Variants in RARB observed in about 807,000 individuals in gnomAD.
The protein encoded by RARB is HBV-activated protein.
RARB carries 17 observed loss-of-function variants against 51.9 expected under a neutral mutation model. The ratio of observed to expected loss-of-function variants is 0.33; its 90% CI spans 0.22 to 0.49. The LOEUF is 0.49. Among genes scored for constraint, RARB ranks in the 20% least tolerant of loss-of-function variants. The probability of loss-of-function intolerance (pLI) is 0.99; values close to 1 mark genes in which losing one functional copy is unlikely to be tolerated. For synonymous variants in RARB, 215 were observed against 195.4 expected (o/e 1.10, Z -0.84); for missense variants, 369 against 550.8 (o/e 0.67, Z 3.30).
At chr3:25,529,707 A>G (rs1245236648) in intron 3 of RARB, among the ~76,000 whole-genome samples, 2 of 152,158 alleles carry the variant, frequency 1.3e-5, no homozygotes, top group Non-Finnish European at 2.9e-5. Flanking sequence ...CCATGACTGT[A>G]TACATTTGTT....
At chr3:25,388,207 C>T (rs116318807) in intron 5 of RARB, among the ~76,000 whole-genome samples, 2,066 of 152,286 alleles carry the variant, frequency 0.014, 55 homozygotes, top group African/African-American at 0.047. Context: ...TTATTACATA[C>T]AGCATTGCAT....
At chr3:24,871,251 TTTTA>T (rs1268791187) in intron 2 of RARB, among the ~76,000 whole-genome samples, 2 of 152,108 alleles carry the variant, frequency 1.3e-5, no homozygotes, top group Non-Finnish European at 2.9e-5. Flanking sequence ...TTCAGAGAAT[TTTTA>T]TTTTAGTTGT....
chr3:25,213,728 G>C (rs1283278099), intron 5 of RARB, among the ~76,000 whole-genome samples: 1 of 152,188 alleles, frequency 6.6e-6, no homozygotes, highest in Non-Finnish European at 1.5e-5. Context: ...ATGAGAGCTA[G>C]AATAATGTTT....
intron 2 of RARB, among the ~76,000 whole-genome samples, chr3:24,894,086 G>A (rs888509202): frequency 2.0e-5 from 3 of 152,244 alleles, no homozygotes; most frequent in Middle Eastern, 6.8e-3. Flanking sequence ...TAGTCTTTGA[G>A]AATCTTTATG....
At chr3:25,254,580 G>A (rs184863509) in intron 5 of RARB, among the ~76,000 whole-genome samples, 3 of 151,236 alleles carry the variant, frequency 2.0e-5, no homozygotes, top group Admixed American at 1.3e-4. Flanking sequence ...TTTCCTTAAC[G>A]GTATCACTTA....
At chr3:24,871,243 C>T (rs1196621007) in intron 2 of RARB, among the ~76,000 whole-genome samples, 1 of 152,096 alleles carries the variant, frequency 6.6e-6, no homozygotes, top group Non-Finnish European at 1.5e-5. Flanking sequence ...TCCTAATTTT[C>T]AGAGAATTTT....
chr3:25,032,716 G>A (rs1195397648), intron 2 of RARB, among the ~76,000 whole-genome samples: 7 of 152,148 alleles, frequency 4.6e-5, no homozygotes, highest in Admixed American at 2.6e-4. Flanking sequence ...GGAAGGGAGG[G>A]TATTTCAGCA....
At chr3:25,258,659 G>A (rs1702925554) in intron 5 of RARB, among the ~76,000 whole-genome samples, 1 of 152,092 alleles carries the variant, frequency 6.6e-6, no homozygotes, top group African/African-American at 2.4e-5. Context: ...ATAAAGGAAA[G>A]AGGTTGATTT....
At chr3:25,147,309 C>G (rs1433911436) in intron 4 of RARB, among the ~76,000 whole-genome samples, 1 of 152,128 alleles carries the variant, frequency 6.6e-6, no homozygotes, top group Non-Finnish European at 1.5e-5. Flanking sequence ...CTTCCCAACA[C>G]CAAGGCTAGG....
At chr3:25,202,971 T>G (rs1357324947) in intron 5 of RARB, among the ~76,000 whole-genome samples, 2 of 152,196 alleles carry the variant, frequency 1.3e-5, no homozygotes, top group Non-Finnish European at 2.9e-5. Flanking sequence ...CAGAGCTGAG[T>G]TCAGTTCCTG....
intron 1 of RARB, among the ~76,000 whole-genome samples, chr3:25,452,391 T>C (rs994816807): frequency 6.7e-6 from 1 of 150,026 alleles, no homozygotes; most frequent in African/African-American, 2.5e-5. Flanking sequence ...CTTCTATTGC[T>C]GGCCGTAAGC....
intron 3 of RARB, among the ~76,000 whole-genome samples, chr3:25,512,694 C>A (rs1344918041): frequency 6.6e-6 from 1 of 152,210 alleles, no homozygotes; most frequent in African/African-American, 2.4e-5. Flanking sequence ...CGCACATACA[C>A]GCGACACACT....
intron 5 of RARB, among the ~76,000 whole-genome samples, chr3:25,345,791 GTGAT>G (rs1389139806): frequency 6.6e-6 from 1 of 152,082 alleles, no homozygotes; most frequent in Non-Finnish European, 1.5e-5. Context: ...GTTTCTCAGA[GTGAT>G]TGTGCATGAA....
Position 25,452,869 on chromosome 3 carries a change from G to C in RARB, c.158-8324G>C, listed in dbSNP as rs577802975. 4.6e-5 allele frequency among the ~76,000 whole-genome samples: 7 copies of C among 152,276 alleles called. No individual in the cohort carries two copies. In the East Asian group the frequency reaches 9.7e-4, roughly 21 times the overall value. ...TAACACAGTAGGCGCTCAGTAAATA[G>C]TAATTACTATTAGTTCAGGCTCTTC... On this transcript the variant is annotated intron_variant, in intron 1 of 7. Coordinates refer to ENST00000330688, the MANE Select transcript of RARB (RefSeq NM_000965.5).
At chr3:25,452,665 G>C (rs74657341) in intron 1 of RARB, among the ~76,000 whole-genome samples, 1 of 31,236 alleles carries the variant, frequency 3.2e-5, no homozygotes, top group African/African-American at 3.2e-4. Flanking sequence ...TTTAAAAAGC[G>C]GGGGGGGTTT....
chr3:25,369,330 C>T (rs550656558), intron 5 of RARB, among the ~76,000 whole-genome samples: 3 of 152,232 alleles, frequency 2.0e-5, no homozygotes, highest in African/African-American at 2.4e-5. Context: ...AAGAGAGAAA[C>T]GGTCATCCAT....
At chr3:25,243,788 C>T (rs533321761) in intron 5 of RARB, among the ~76,000 whole-genome samples, 1 of 152,104 alleles carries the variant, frequency 6.6e-6, no homozygotes, top group African/African-American at 2.4e-5. Context: ...TGTTGTGTCT[C>T]TTTCAGGTTT....
At chr3:25,246,592 G>A (rs1279161100) in intron 5 of RARB, among the ~76,000 whole-genome samples, 1 of 152,134 alleles carries the variant, frequency 6.6e-6, no homozygotes, top group Non-Finnish European at 1.5e-5. Context: ...CTGCAGGTCT[G>A]CTGGAGTTTG....
intron 5 of RARB, among the ~76,000 whole-genome samples, chr3:25,292,760 C>T (rs1247229667): frequency 6.6e-6 from 1 of 152,240 alleles, no homozygotes; most frequent in African/African-American, 2.4e-5. Context: ...AAGAGCCCTG[C>T]GTTGGTTTCA....
Sources: gnomAD v4.1 joint callset for allele counts (sites outside exome capture counted in the v4.1 genomes callset) on GRCh38, gnomAD v4.1.1 for gene constraint, MANE v1.5 for transcripts, NCBI Gene and HGNC (gene_info 2026-07-23, HGNC 2026-07-21) for gene names.